VRK2: variants seen among roughly 807,000 people sequenced by gnomAD.
VRK2 encodes VRK serine/threonine kinase 2, also known as serine/threonine-protein kinase VRK2.
A neutral mutation model predicts 57.6 loss-of-function variants in VRK2; 60 were observed. The observed-to-expected ratio is 1.04, with a 90% CI of 0.85 to 1.29. The LOEUF (loss-of-function observed/expected upper bound fraction) is 1.29. Among genes scored for constraint, VRK2 ranks in the 50% most tolerant of loss-of-function variants. VRK2 has a pLI of 0.00. For missense variants in VRK2, 705 were observed against 588.1 expected (o/e 1.20, Z -2.06); for synonymous variants, 231 against 199.2 (o/e 1.16, Z -1.35).
chr2:58,158,812 G>A (rs979029191), intron 12 of VRK2, among the ~76,000 whole-genome samples: 1 of 151,764 alleles, frequency 6.6e-6, no homozygotes, highest in East Asian at 1.9e-4. Context: ...ATATCTATTC[G>A]GTCTATACTG....
intron 7 of VRK2, among the ~76,000 whole-genome samples, chr2:58,118,224 T>C (rs1213878299): frequency 2.0e-5 from 3 of 151,802 alleles, no homozygotes; most frequent in Admixed American, 6.6e-5. Flanking sequence ...ACTTGCCCCT[T>C]CCCCAGAAAA....
chr2:58,067,947 T>C (rs1355905246), intron 2 of VRK2, among the ~76,000 whole-genome samples: 1 of 152,058 alleles, frequency 6.6e-6, no homozygotes, highest in African/African-American at 2.4e-5. Context: ...TGTTTTTTTT[T>C]GAAACAGAGT....
intron 4 of VRK2, among the ~76,000 whole-genome samples, chr2:58,085,213 C>T (rs1336234585): frequency 6.6e-6 from 1 of 151,782 alleles, no homozygotes; most frequent in African/African-American, 2.4e-5. Flanking sequence ...ATCTAAGCTA[C>T]CAAGAGTTCC....
At chr2:57,956,884 T>G (rs1027403357) in intron 1 of VRK2, among the ~76,000 whole-genome samples, 3 of 152,198 alleles carry the variant, frequency 2.0e-5, no homozygotes, top group Non-Finnish European at 4.4e-5. Flanking sequence ...GACATTGATA[T>G]TTCAAATATG....
chr2:58,056,484 A>T (rs976747670), intron 2 of VRK2, among the ~76,000 whole-genome samples: 7 of 152,192 alleles, frequency 4.6e-5, no homozygotes, highest in African/African-American at 1.7e-4. Flanking sequence ...AGAAAGTGAC[A>T]TTAATTAAAG....
chr2:57,953,894 A>C (rs1360854139), intron 1 of VRK2, among the ~76,000 whole-genome samples: 1 of 152,164 alleles, frequency 6.6e-6, no homozygotes, highest in East Asian at 1.9e-4. Flanking sequence ...ACTGAATAAA[A>C]TCGTATCACA....
intron 1 of VRK2, among the ~76,000 whole-genome samples, chr2:57,983,770 A>C (rs943260632): frequency 6.6e-5 from 10 of 152,256 alleles, no homozygotes; most frequent in African/African-American, 2.4e-4. Flanking sequence ...CATCATGATG[A>C]AAATTTGGAG....
chr2:58,020,997 G>T (rs1466511269), intron 1 of VRK2, among the ~76,000 whole-genome samples: 2 of 152,066 alleles, frequency 1.3e-5, no homozygotes, highest in Non-Finnish European at 2.9e-5. Context: ...AATTATAAAA[G>T]AAACAAAGTA....
At chr2:58,045,678 G>T (rs998123514), upstream of VRK2, among the ~76,000 whole-genome samples, 1 of 151,882 alleles carries the variant, frequency 6.6e-6, no homozygotes, top group Non-Finnish European at 1.5e-5. Flanking sequence ...GATGTAGGGA[G>T]CCCCAATTCC....
At chr2:58,044,241 G>A (rs534037654), upstream of VRK2, among the ~76,000 whole-genome samples, 1 of 152,258 alleles carries the variant, frequency 6.6e-6, no homozygotes, top group South Asian at 2.1e-4. Flanking sequence ...GTCACACGAT[G>A]ACTGCAGCCA....
At chr2:58,018,383 C>A (rs1051274158) in intron 1 of VRK2, among the ~76,000 whole-genome samples, 1 of 152,100 alleles carries the variant, frequency 6.6e-6, no homozygotes. Context: ...GTTCATCGTA[C>A]CTTGTTAATT....
intron 1 of VRK2, among the ~76,000 whole-genome samples, chr2:57,916,001 G>A (rs915222227): frequency 2.6e-5 from 4 of 152,114 alleles, no homozygotes; most frequent in African/African-American, 4.8e-5. Context: ...TGCCAGTTTC[G>A]TGGAATTGTC....
At chr2:57,991,061 C>CA (rs34721284) in intron 1 of VRK2, among the ~76,000 whole-genome samples, 180 of 147,800 alleles carry the variant, frequency 1.2e-3, no homozygotes, top group African/African-American at 3.1e-3. Flanking sequence ...TTGCTTTAAA[C>CA]AAAAAAAAAA....
chr2:58,067,159 C>G (rs1217978068), intron 2 of VRK2, among the ~76,000 whole-genome samples: 2 of 152,280 alleles, frequency 1.3e-5, no homozygotes, highest in East Asian at 3.9e-4. Context: ...CTCCTGGACT[C>G]ACACCAGTGG....
chr2:57,965,002 A>T (rs1671872304), intron 1 of VRK2, among the ~76,000 whole-genome samples: 2 of 152,142 alleles, frequency 1.3e-5, no homozygotes, highest in Admixed American at 1.3e-4. Flanking sequence ...ATCACATAGT[A>T]GATGCAAAAT....
intron 1 of VRK2, chr2:58,047,200 T>G (rs1345960390): frequency 4.0e-6 from 1 of 250,414 alleles, no homozygotes; most frequent in Non-Finnish European, 6.3e-6. Context: ...GGGTTGGCCG[T>G]AGGTCCCCGG....
chr2:58,005,943 C>T (rs1034507354), intron 1 of VRK2, among the ~76,000 whole-genome samples: 10 of 152,132 alleles, frequency 6.6e-5, no homozygotes, highest in Non-Finnish European at 1.5e-4. Flanking sequence ...ACTAAAGAAA[C>T]TGAAATAGCC....
At chr2:58,132,265 T>A (rs1484756228) in intron 9 of VRK2, among the ~76,000 whole-genome samples, 1 of 152,202 alleles carries the variant, frequency 6.6e-6, no homozygotes, top group Non-Finnish European at 1.5e-5. Context: ...TGAAGTAGTC[T>A]GAGCTTGGTA....
chr2:58,074,874 G>T (rs186259145), intron 2 of VRK2, among the ~76,000 whole-genome samples: 228 of 152,102 alleles, frequency 1.5e-3, no homozygotes, highest in African/African-American at 5.0e-3. Flanking sequence ...GACTAAATCT[G>T]CTTTTTATTT....
Sources: allele counts gnomAD v4.1 joint callset (sites outside exome capture counted in the v4.1 genomes callset), GRCh38; gene constraint gnomAD v4.1.1; transcripts MANE v1.5; gene names NCBI Gene and HGNC (gene_info 2026-07-23, HGNC 2026-07-21).